CTCFL: variants seen among roughly 807,000 people sequenced by gnomAD.
The protein encoded by CTCFL is CCCTC-binding factor like.
A neutral mutation model predicts 67.4 loss-of-function variants in CTCFL; 36 were observed. That is an observed-to-expected ratio of 0.53 (90% CI 0.41 to 0.71). The LOEUF (loss-of-function observed/expected upper bound fraction) is 0.71, where lower values mean the gene tolerates loss of function less well. CTCFL is among the 30% of genes least tolerant of loss of function. The probability of loss-of-function intolerance (pLI) is 0.00; values close to 1 mark genes in which losing one functional copy is unlikely to be tolerated. For missense variants in CTCFL, 786 were observed against 835.2 expected, an observed-to-expected ratio of 0.94 and a Z score of 0.73; for synonymous variants, 324 against 302.3, an observed-to-expected ratio of 1.07 and a Z score of -0.75.
At chr20:57,522,925 A>C (rs1261719163) in intron 3 of CTCFL, 143 bp downstream of exon 3, 2 of 663,584 alleles carry the variant, frequency 3.0e-6, no homozygotes, top group Non-Finnish European at 2.6e-6. Context: ...ACAATACAGA[A>C]CATTAGTTTA....
At chr20:57,508,127 G>C (rs985722171) in intron 9 of CTCFL, among the ~76,000 whole-genome samples, 10 of 151,994 alleles carry the variant, frequency 6.6e-5, no homozygotes, top group African/African-American at 2.4e-4. Flanking sequence ...GGAGGGATGG[G>C]GGTCTCCCTG....
Position 57,518,903 on chromosome 20 carries a change from C to T in CTCFL, c.926-12G>A, listed in dbSNP as rs183111207. ...GTAGGGCCTGGTTCCTGTAAAATCA[C>T]ATAGTTCATACTTTCAAAACAAGAC... On this transcript the variant is annotated splice_polypyrimidine_tract_variant and intron_variant, in intron 4 of 10. Transcript: ENST00000243914. 4.7e-3 allele frequency: 7,623 copies of T among 1,607,344 alleles called. 21 individuals carry two copies. The highest frequency in any genetic ancestry group is 6.0e-3 in the Non-Finnish European group (7,025 of 1,175,484).
At chr20:57,518,712 C>T in intron 5 of CTCFL, 46 bp downstream of exon 5, 2 of 1,613,908 alleles carry the variant, frequency 1.2e-6, no homozygotes, top group Non-Finnish European at 1.7e-6. Context: ...TGTACAGCAG[C>T]CTCTACTAAG....
downstream of CTCFL, among the ~76,000 whole-genome samples, chr20:57,496,989 G>A (rs6025592): frequency 4.7e-5 from 7 of 148,474 alleles, no homozygotes. Flanking sequence ...TGGTGGGTCA[G>A]ATACTAATGC....
At chr20:57,524,742 T>C (rs1443071184) in intron 1 of CTCFL, 2 of 988,522 alleles carry the variant, frequency 2.0e-6, no homozygotes, top group Admixed American at 1.2e-4. Context: ...GTTCTAGACC[T>C]AGCACCCTCA....
At position 57,519,326 on chromosome 20, in the gene CTCFL, A is replaced by T. The variant is rs754162694; in HGVS notation, c.806T>A (p.Met269Lys). The change falls in exon 4 of 11, where the codon ATG becomes AAG. Residue 269 changes from methionine to lysine, a missense_variant. Physicochemically the swap from Met to Lys is moderately conservative, Grantham distance 95 (BLOSUM62 -1). Around this residue, in one of 3 missense-constraint regions of CTCFL, gnomAD observed 254 missense variants for 333.9 expected, o/e 0.76. Transcript: ENST00000243914. ...CDVCMFTSSR[M>K]SSFNRHMKTH... ...TTTCATATGACGATTAAAACTTGAC[A>T]TTCTAGAAGAGGTGAACATGCAGAC... The T allele has an allele frequency of 6.2e-7, 1 of 1,614,174 alleles. No individual in the cohort carries two copies. Among genetic ancestry groups the T allele is most frequent in the South Asian group, 1.1e-5 (1 of 91,084 alleles).
At chr20:57,525,362 C>T (rs111375258), upstream of CTCFL, 1,661 of 60,928 alleles carry the variant, frequency 0.027, 36 homozygotes, top group Middle Eastern at 0.057. Flanking sequence ...CACTGGGAGA[C>T]CTGGGGTGGG....
chr20:57,500,059 T>C, intron 10 of CTCFL: 1 of 987,786 alleles, frequency 1.0e-6, no homozygotes, highest in Non-Finnish European at 1.2e-6. Context: ...TGTCTGAGGA[T>C]ATTTTTGTCC....
chr20:57,508,620 C>T lies in CTCFL; in HGVS notation c.1660G>A (p.Gly554Ser). 6.2e-7 allele frequency: 1 copy of T among 1,614,044 alleles called. No individual in the cohort carries two copies. Among genetic ancestry groups the T allele is most frequent in the Non-Finnish European group, 8.5e-7 (1 of 1,179,988 alleles). The change falls in exon 9 of 11, where the codon GGC (glycine) becomes AGC (serine). Residue 554 changes from glycine to serine, a missense_variant. By Grantham distance (56) the Gly-to-Ser change is moderately conservative (BLOSUM62 0). Coordinates refer to ENST00000243914, the MANE Select transcript of CTCFL (RefSeq NM_001386993.1). ...AGTAAGCTTACCCAGCGGGAAAAGC[C>T]TTTGCCACACTTGGAGCATTTGTAA... The part of the protein sequence containing the change: ...TVYKCSKCGK[G>S]FSRWINLHRH...
At chr20:57,515,645 G>A (rs1183279317) in intron 6 of CTCFL, 69 bp downstream of exon 6, 5 of 1,602,142 alleles carry the variant, frequency 3.1e-6, no homozygotes, top group Non-Finnish European at 3.4e-6. Flanking sequence ...CCAATAAAAA[G>A]TAATTTTTTA....
chr20:57,518,029 C>T (rs779263965), intron 5 of CTCFL, among the ~76,000 whole-genome samples: 1 of 152,184 alleles, frequency 6.6e-6, no homozygotes, highest in South Asian at 2.1e-4. Flanking sequence ...TTGTGAAACC[C>T]GGCTGCACTG....
In CTCFL at chr20:57,517,000, C is replaced by T. The variant is rs2068970901; in HGVS notation, c.1060-1166G>A. ...CCCAGGGATGCCACACTCCATCTGC[C>T]TCCCCAGTAAGTGATGAGCGCACAG... On this transcript the variant is annotated intron_variant, in intron 5 of 10. Transcript: ENST00000243914. 9.2e-5 allele frequency among the ~76,000 whole-genome samples: 14 copies of T among 152,178 alleles called. No homozygotes were observed. The South Asian group carries it at 2.9e-3, about 32-fold the overall frequency.
intron 1 of CTCFL, 183 bp downstream of exon 1, chr20:57,524,845 T>C (rs2069743950): frequency 5.1e-6 from 4 of 777,556 alleles, no homozygotes; most frequent in African/African-American, 3.8e-5. Context: ...CTCGGAGGCC[T>C]GGCAGGGCCC....
chr20:57,500,885 A>T (rs2067877637), intron 10 of CTCFL, among the ~76,000 whole-genome samples: 1 of 152,212 alleles, frequency 6.6e-6, no homozygotes, highest in African/African-American at 2.4e-5. Flanking sequence ...CAAAACCACT[A>T]CATTTAGGTG....
chr20:57,524,268 TGAG>T (rs2069675956), intron 1 of CTCFL, 52 bp from the exon 2 acceptor site: 1 of 1,528,820 alleles, frequency 6.5e-7, no homozygotes, highest in East Asian at 2.3e-5. Flanking sequence ...GGGGGTGGTA[TGAG>T]GAGGGATGCG....
In CTCFL at chr20:57,499,851, C is replaced by A. The variant is rs2209885; in HGVS notation, c.1841-1150G>T. ...AGGCGGAGCTCAGGCGGTGATGCGCCCGATGGGGAGCGGCTGTCAATACAA... is the reference window on the plus strand; with the variant it reads ...AGGCGGAGCTCAGGCGGTGATGCGCACGATGGGGAGCGGCTGTCAATACAA... On this transcript the variant is annotated intron_variant, in intron 10 of 10. Transcript: ENST00000243914. The A allele has an allele frequency of 1.3e-4, 66 of 501,576 alleles. 1 individual carries two copies. The highest frequency in any genetic ancestry group is 1.1e-3 in the African/African-American group (52 of 47,538). The allele number at this position is 501,576 out of a possible 1,614,324, so 31.1% of individuals were successfully genotyped here. A position where few individuals can be genotyped will look rare whatever the true frequency, so the allele number is the denominator to read the frequency against.
intron 9 of CTCFL, chr20:57,508,020 G>A (rs1178524667): frequency 3.3e-6 from 2 of 613,460 alleles, no homozygotes; most frequent in South Asian, 2.0e-5. Flanking sequence ...GTGACTCACT[G>A]TAGCCTCCAA....
intron 5 of CTCFL, among the ~76,000 whole-genome samples, chr20:57,517,750 C>T (rs2069032293): frequency 6.6e-6 from 1 of 151,870 alleles, no homozygotes; most frequent in African/African-American, 2.4e-5. Flanking sequence ...GCTGAGGCTA[C>T]CCCCCACAGG....
intron 5 of CTCFL, 97 bp downstream of exon 5, chr20:57,518,661 G>A (rs2069105637): frequency 5.6e-6 from 9 of 1,603,546 alleles, no homozygotes; most frequent in Non-Finnish European, 7.7e-6. Flanking sequence ...TAAAAAGCCT[G>A]TTTGTAACAG....
Sources: gnomAD v4.1 joint callset for allele counts (sites outside exome capture counted in the v4.1 genomes callset) on GRCh38, gnomAD v4.1.1 for gene constraint, gnomAD v4.1.1 regional missense constraint, MANE v1.5 for transcripts, NCBI Gene and HGNC (gene_info 2026-07-23, HGNC 2026-07-21) for gene names.